Variants in CNTNAP5 observed in about 807,000 individuals in gnomAD.
CNTNAP5 encodes contactin-associated protein-like 5.
CNTNAP5 carries 72 observed loss-of-function variants against 150.2 expected under a neutral mutation model. The observed-to-expected ratio is 0.48, with a 90% CI of 0.40 to 0.58. The LOEUF (loss-of-function observed/expected upper bound fraction) is 0.58, where lower values mean the gene tolerates loss of function less well. CNTNAP5 is among the 20% of genes least tolerant of loss of function. The probability of loss-of-function intolerance (pLI) is 0.00; values close to 1 mark genes in which losing one functional copy is unlikely to be tolerated. For synonymous variants in CNTNAP5, 672 were observed against 619.8 expected (o/e 1.08, Z -1.25); for missense variants, 1,636 against 1,626.2 (o/e 1.01, Z -0.10).
chr2:124,879,312 A>C (rs904823722), intron 21 of CNTNAP5, among the ~76,000 whole-genome samples: 2 of 152,158 alleles, frequency 1.3e-5, no homozygotes, highest in Non-Finnish European at 2.9e-5. Context: ...AGGAAAACAC[A>C]CACAGGCACA....
intron 3 of CNTNAP5, among the ~76,000 whole-genome samples, chr2:124,318,583 A>G (rs1689023189): frequency 1.3e-5 from 2 of 152,188 alleles, no homozygotes; most frequent in African/African-American, 4.8e-5. Flanking sequence ...CTATTAATAA[A>G]CCAAGGGAAG....
At chr2:124,636,123 A>G (rs1437731788) in intron 12 of CNTNAP5, among the ~76,000 whole-genome samples, 1 of 152,184 alleles carries the variant, frequency 6.6e-6, no homozygotes, top group Non-Finnish European at 1.5e-5. Context: ...ACATCTACCA[A>G]GTTAGTTATT....
chr2:124,722,585 C>G (rs918619894), intron 13 of CNTNAP5, among the ~76,000 whole-genome samples: 1 of 152,094 alleles, frequency 6.6e-6, no homozygotes, highest in South Asian at 2.1e-4. Context: ...GGTATGGTGG[C>G]CTTATATTCA....
At chr2:124,831,160 A>G (rs896552930) in intron 19 of CNTNAP5, among the ~76,000 whole-genome samples, 2 of 152,012 alleles carry the variant, frequency 1.3e-5, no homozygotes, top group Non-Finnish European at 2.9e-5. Flanking sequence ...CATATAAAAC[A>G]TATCTTTCAT....
chr2:124,351,210 T>C (rs2104702431), intron 3 of CNTNAP5, among the ~76,000 whole-genome samples: 1 of 152,350 alleles, frequency 6.6e-6, no homozygotes, highest in East Asian at 1.9e-4. Flanking sequence ...AGATATTCTT[T>C]GCATTCTTTA....
At chr2:124,815,365 C>T (rs539861787) in intron 19 of CNTNAP5, among the ~76,000 whole-genome samples, 1 of 152,234 alleles carries the variant, frequency 6.6e-6, no homozygotes, top group Admixed American at 6.5e-5. Context: ...TTGTTGGCTG[C>T]CCTTGTCTTA....
At chr2:124,423,583 T>G (rs1692165338) in intron 4 of CNTNAP5, among the ~76,000 whole-genome samples, 1 of 149,330 alleles carries the variant, frequency 6.7e-6, no homozygotes, top group Non-Finnish European at 1.5e-5. Context: ...CCTGACCTCG[T>G]GATCCGCCCG....
intron 6 of CNTNAP5, among the ~76,000 whole-genome samples, chr2:124,473,421 TA>T (rs1279486914): frequency 1.3e-5 from 2 of 151,978 alleles, no homozygotes; most frequent in African/African-American, 4.8e-5. Flanking sequence ...AAATTCTCTT[TA>T]AAAATTAAAG....
chr2:124,309,592 T>C (rs1426520157), intron 3 of CNTNAP5, among the ~76,000 whole-genome samples: 4 of 152,148 alleles, frequency 2.6e-5, no homozygotes, highest in Admixed American at 2.6e-4. Context: ...CAAACAGCAA[T>C]GGGGTCCAAT....
intron 6 of CNTNAP5, among the ~76,000 whole-genome samples, chr2:124,450,346 T>A (rs1458984218): frequency 1.3e-5 from 2 of 151,910 alleles, no homozygotes; most frequent in Admixed American, 6.6e-5. Flanking sequence ...ATGTTTCTTT[T>A]TACTCTTTAC....
At chr2:124,707,471 T>C (rs1679715751) in intron 13 of CNTNAP5, among the ~76,000 whole-genome samples, 1 of 152,220 alleles carries the variant, frequency 6.6e-6, no homozygotes, top group African/African-American at 2.4e-5. Context: ...TTTCATTATC[T>C]AAATAAATCC....
intron 1 of CNTNAP5, among the ~76,000 whole-genome samples, chr2:124,084,944 C>T (rs1394533023): frequency 8.1e-3 from 10 of 1,230 alleles, no homozygotes; most frequent in Non-Finnish European, 0.03. Flanking sequence ...TTTTTTGAGA[C>T]GGAGTCTCGC....
chr2:124,329,698 G>C (rs962588637), intron 3 of CNTNAP5, among the ~76,000 whole-genome samples: 1 of 152,100 alleles, frequency 6.6e-6, no homozygotes, highest in African/African-American at 2.4e-5. Flanking sequence ...CTATCTCCGG[G>C]TATTTGTCAG....
At chr2:124,398,480 C>CTTGATTTATTTA in intron 3 of CNTNAP5, among the ~76,000 whole-genome samples, 1 of 147,988 alleles carries the variant, frequency 6.8e-6, no homozygotes, top group South Asian at 2.2e-4. Flanking sequence ...GAAATTTTTA[C>CTTGATTTATTTA]TTTATTTATT....
At chr2:124,796,534 A>G (rs1190008510) in intron 18 of CNTNAP5, among the ~76,000 whole-genome samples, 1 of 152,222 alleles carries the variant, frequency 6.6e-6, no homozygotes, top group Non-Finnish European at 1.5e-5. Flanking sequence ...AATGCAAAAC[A>G]CTTTCTCTGA....
chr2:124,588,096 TTTCTTC>T lies in CNTNAP5; in HGVS notation c.1757-21704_1757-21699del, dbSNP rs1696582570. Among the ~76,000 whole-genome samples the T allele has an allele frequency of 2.7e-5, 3 of 110,248 alleles. No individual in the cohort carries two copies. In the Admixed American group the frequency reaches 3.2e-4, roughly 12 times the overall value. 72.3% of individuals were successfully genotyped at this position (110,248 alleles called of 152,430 possible). On this transcript the variant is annotated intron_variant, in intron 11 of 23. Transcript: ENST00000682447. Reference sequence around the variant, plus strand: ...CTTCCCTTTCTCTTTCTTTCTTTCTTTTCTTCCTTCCTTCCCTCCTTTTCCTTCCTT... The same window carrying T: ...CTTCCCTTTCTCTTTCTTTCTTTCTTCTTCCTTCCCTCCTTTTCCTTCCTT...
At chr2:124,845,198 T>C (rs2461310) in intron 19 of CNTNAP5, among the ~76,000 whole-genome samples, 152,179 of 152,182 alleles carry the variant, frequency 1, 76,088 homozygotes, top group Middle Eastern at 1. Context: ...GTGATACTGG[T>C]TTTTTTCTAA....
At chr2:124,900,510 G>T (rs747843534) in intron 21 of CNTNAP5, among the ~76,000 whole-genome samples, 4 of 151,472 alleles carry the variant, frequency 2.6e-5, no homozygotes, top group Non-Finnish European at 5.9e-5. Flanking sequence ...TCTGGAAGAA[G>T]CACACTTCCC....
intron 1 of CNTNAP5, among the ~76,000 whole-genome samples, chr2:124,079,659 T>C (rs1456958165): frequency 6.6e-6 from 1 of 152,164 alleles, no homozygotes; most frequent in East Asian, 1.9e-4. Context: ...GTGGTTTCTG[T>C]CACTTTATCA....
Sources: gnomAD v4.1 joint callset for allele counts (sites outside exome capture counted in the v4.1 genomes callset) on GRCh38, gnomAD v4.1.1 for gene constraint, MANE v1.5 for transcripts, NCBI Gene and HGNC (gene_info 2026-07-23, HGNC 2026-07-21) for gene names.